Variants in GALNTL6 observed in about 807,000 individuals in gnomAD.
The protein encoded by GALNTL6 is polypeptide N-acetylgalactosaminyltransferase like 6, also known as polypeptide N-acetylgalactosaminyltransferase-like 6.
Under a neutral mutation model 73.7 loss-of-function variants are expected in GALNTL6, and 46 were observed. That is an observed-to-expected ratio of 0.62 (90% CI 0.49 to 0.80). The LOEUF is 0.80. Ranked by LOEUF, GALNTL6 falls within the 30% of genes least tolerant of loss-of-function variation. The probability of loss-of-function intolerance (pLI) is 0.00; values close to 1 mark genes in which losing one functional copy is unlikely to be tolerated. For missense variants in GALNTL6, 604 were observed against 755.0 expected (o/e 0.80, Z 2.34); for synonymous variants, 259 against 263.7 (o/e 0.98, Z 0.17).
At chr4:171,825,754 T>G (rs1447434948) in intron 2 of GALNTL6, among the ~76,000 whole-genome samples, 1 of 152,130 alleles carries the variant, frequency 6.6e-6, no homozygotes, top group Non-Finnish European at 1.5e-5. Flanking sequence ...AAGACAAGTT[T>G]CACATAGGGA....
chr4:171,988,716 T>C (rs572459231), intron 2 of GALNTL6, among the ~76,000 whole-genome samples: 35 of 152,300 alleles, frequency 2.3e-4, no homozygotes, highest in African/African-American at 7.5e-4. Flanking sequence ...AAGGCCATGC[T>C]GTAACAGGTG....
Position 172,372,821 on chromosome 4 carries a change from G to T in GALNTL6, c.553+24132G>T, listed in dbSNP as rs189236915. On this transcript the variant is annotated intron_variant, in intron 5 of 12. Coordinates refer to ENST00000506823, the MANE Select transcript of GALNTL6 (RefSeq NM_001034845.3). ...TCGCTGTATCCGGGGATCCATAGTCGGCAAAAGCTGTTGATTCCAAGGAAC... is the reference window on the plus strand; with the variant it reads ...TCGCTGTATCCGGGGATCCATAGTCTGCAAAAGCTGTTGATTCCAAGGAAC... 9.7e-4 allele frequency among the ~76,000 whole-genome samples: 147 copies of T among 152,108 alleles called. 1 individual carries two copies. The South Asian group carries it at 0.016, about 16-fold the overall frequency.
chr4:172,409,723 TA>T (rs1438594318), intron 5 of GALNTL6, among the ~76,000 whole-genome samples: 4 of 152,044 alleles, frequency 2.6e-5, no homozygotes, highest in Non-Finnish European at 4.4e-5. Context: ...ATTTAATAGC[TA>T]AAACAATAAT....
At chr4:172,865,849 C>A (rs1447169200) in intron 7 of GALNTL6, among the ~76,000 whole-genome samples, 1 of 152,102 alleles carries the variant, frequency 6.6e-6, no homozygotes, top group Non-Finnish European at 1.5e-5. Context: ...ATGCTGATGG[C>A]TTTTATGTCA....
At chr4:172,221,981 G>A (rs10008210) in intron 2 of GALNTL6, among the ~76,000 whole-genome samples, 2,188 of 151,684 alleles carry the variant, frequency 0.014, 56 homozygotes, top group African/African-American at 0.05. Context: ...TCATCTCTCT[G>A]GTTTCTTACT....
At chr4:172,260,722 A>G (rs1738229490) in intron 3 of GALNTL6, among the ~76,000 whole-genome samples, 1 of 151,610 alleles carries the variant, frequency 6.6e-6, no homozygotes, top group Non-Finnish European at 1.5e-5. Flanking sequence ...CCCATTCAGT[A>G]TAATGTTGGC....
At chr4:172,744,234 G>A (rs192035937) in intron 5 of GALNTL6, among the ~76,000 whole-genome samples, 83 of 152,152 alleles carry the variant, frequency 5.5e-4, no homozygotes, top group Non-Finnish European at 9.1e-4. Flanking sequence ...TTTGATTGAT[G>A]GGTATAATGG....
chr4:172,110,448 T>C (rs1001221823), intron 2 of GALNTL6, among the ~76,000 whole-genome samples: 3 of 152,182 alleles, frequency 2.0e-5, no homozygotes, highest in African/African-American at 7.2e-5. Flanking sequence ...ATAATAGTAC[T>C]TTCACAATAT....
chr4:173,030,837 CAAA>C (rs34361684), intron 12 of GALNTL6, among the ~76,000 whole-genome samples: 7 of 111,894 alleles, frequency 6.3e-5, no homozygotes, highest in Admixed American at 2.8e-4. Context: ...CTGTCTCTAC[CAAA>C]AAAAAAAAAA....
intron 3 of GALNTL6, among the ~76,000 whole-genome samples, chr4:172,292,254 TATA>T (rs1442622809): frequency 1.3e-5 from 2 of 151,818 alleles, no homozygotes; most frequent in African/African-American, 4.8e-5. Context: ...GAACAACCAA[TATA>T]ATGATAAATT....
At chr4:172,966,271 C>T (rs1750320567) in intron 10 of GALNTL6, among the ~76,000 whole-genome samples, 1 of 152,186 alleles carries the variant, frequency 6.6e-6, no homozygotes, top group African/African-American at 2.4e-5. Context: ...TGGCAACTGC[C>T]CTCAACTTGC....
chr4:172,375,230 G>A (rs931410528), intron 5 of GALNTL6, among the ~76,000 whole-genome samples: 1 of 152,088 alleles, frequency 6.6e-6, no homozygotes, highest in African/African-American at 2.4e-5. Context: ...TGGACATAAG[G>A]CATTTCACTC....
chr4:171,817,924 A>G (rs184114210), intron 2 of GALNTL6, among the ~76,000 whole-genome samples: 1 of 151,454 alleles, frequency 6.6e-6, no homozygotes, highest in African/African-American at 2.4e-5. Context: ...TTTTATTTAG[A>G]TGTTACATTA....
In GALNTL6 at chr4:171,890,904, C is replaced by A. The variant is rs555674545; in HGVS notation, c.138+76186C>A. Among the ~76,000 whole-genome samples, 36 of 152,160 alleles carry A rather than the reference C, an allele frequency of 2.4e-4. No individual in the cohort carries two copies. The South Asian group carries it at 7.5e-3, about 32-fold the overall frequency. ...ACAGATTTCTTGTTTTGCTAATTAG[C>A]CTTATCCCTTCTTATTGTGTTCTTG... On this transcript the variant is annotated intron_variant, in intron 2 of 12. Coordinates refer to ENST00000506823, the MANE Select transcript of GALNTL6 (RefSeq NM_001034845.3).
At chr4:172,097,077 C>T (rs1044029774) in intron 2 of GALNTL6, among the ~76,000 whole-genome samples, 3 of 152,300 alleles carry the variant, frequency 2.0e-5, no homozygotes, top group East Asian at 1.9e-4. Context: ...ACTGAGTTTT[C>T]GAGAGCAGTG....
intron 7 of GALNTL6, among the ~76,000 whole-genome samples, chr4:172,873,750 G>GT (rs1166216969): frequency 1.3e-5 from 2 of 152,138 alleles, no homozygotes; most frequent in Non-Finnish European, 2.9e-5. Context: ...CTCAGGTCCT[G>GT]TTTTTTTGTT....
Position 172,890,279 on chromosome 4 carries a change from AT to A in GALNTL6, c.1041+7379del, listed in dbSNP as rs375086193. Among the ~76,000 whole-genome samples the A allele has an allele frequency of 1.3e-4, 19 of 151,120 alleles. No homozygotes were observed. In the South Asian group the frequency reaches 3.4e-3, roughly 27 times the overall value. On this transcript the variant is annotated intron_variant, in intron 8 of 12. Transcript: ENST00000506823. The stretch of plus-strand genomic sequence containing the variant: ...TAATTCTGCTCTGATTTCATTATTT[AT>A]TTTTTTCTGCTAATTTTGGGGTTGG...
chr4:172,408,221 T>A (rs1427822459), intron 5 of GALNTL6, among the ~76,000 whole-genome samples: 1 of 152,018 alleles, frequency 6.6e-6, no homozygotes, highest in Non-Finnish European at 1.5e-5. Context: ...AAGCAAAATC[T>A]CTATATACAG....
At chr4:171,896,235 T>TCCC (rs1671471781) in intron 2 of GALNTL6, among the ~76,000 whole-genome samples, 2 of 152,274 alleles carry the variant, frequency 1.3e-5, no homozygotes, top group Admixed American at 1.3e-4. Context: ...TTTAATTATT[T>TCCC]ATTTTATTCT....
Sources: allele counts gnomAD v4.1 joint callset (sites outside exome capture counted in the v4.1 genomes callset), GRCh38; gene constraint gnomAD v4.1.1; transcripts MANE v1.5; gene names NCBI Gene and HGNC (gene_info 2026-07-23, HGNC 2026-07-21).